The following CNTN4 variants were observed in gnomAD, a reference collection of about 807,000 sequenced individuals.
CNTN4 encodes the protein contactin 4, also known as contactin-4.
In CNTN4, 77 loss-of-function variants were observed where a neutral mutation model predicts 122.5. The observed-to-expected ratio is 0.63, with a 90% CI of 0.52 to 0.76. CNTN4 has a LOEUF of 0.76. Among genes scored for constraint, CNTN4 ranks in the 30% least tolerant of loss-of-function variants. CNTN4 has a pLI of 0.00. For missense variants in CNTN4, 1,256 were observed against 1,259.1 expected (o/e 1.00, Z 0.04); for synonymous variants, 512 against 447.0 (o/e 1.15, Z -1.83).
chr3:2,408,467 A>G (rs1206682513), intron 3 of CNTN4, among the ~76,000 whole-genome samples: 1 of 152,336 alleles, frequency 6.6e-6, no homozygotes, highest in East Asian at 1.9e-4. Context: ...TCATGCCAGC[A>G]GTTTGCTAAT....
intron 6 of CNTN4, among the ~76,000 whole-genome samples, chr3:2,802,872 A>G (rs1161462631): frequency 6.6e-6 from 1 of 152,250 alleles, no homozygotes; most frequent in Non-Finnish European, 1.5e-5. Flanking sequence ...TTTAGAAAAA[A>G]AAATGTAGGA....
intron 2 of CNTN4, among the ~76,000 whole-genome samples, chr3:2,336,287 G>C (rs2150333304): frequency 6.6e-6 from 1 of 152,168 alleles, no homozygotes; most frequent in Admixed American, 6.6e-5. Flanking sequence ...AGGAGGTCAG[G>C]AATCTTGGTC....
intron 3 of CNTN4, among the ~76,000 whole-genome samples, chr3:2,488,175 G>A (rs2076216184): frequency 6.6e-6 from 1 of 152,214 alleles, no homozygotes; most frequent in Non-Finnish European, 1.5e-5. Context: ...TATCTAAGAT[G>A]TTTAGATGCA....
intron 2 of CNTN4, among the ~76,000 whole-genome samples, chr3:2,209,998 C>CT (rs2038537879): frequency 6.6e-6 from 1 of 152,164 alleles, no homozygotes; most frequent in African/African-American, 2.4e-5. Flanking sequence ...AAAGCATAGC[C>CT]TAGCCTTTCC....
chr3:2,105,517 CA>C (rs2032367594), intron 2 of CNTN4, among the ~76,000 whole-genome samples: 1 of 152,142 alleles, frequency 6.6e-6, no homozygotes. Context: ...TACATGGCGG[CA>C]GGCAAGAGAC....
chr3:2,225,790 A>G (rs1479929156), intron 2 of CNTN4, among the ~76,000 whole-genome samples: 1 of 152,162 alleles, frequency 6.6e-6, no homozygotes, highest in Non-Finnish European at 1.5e-5. Context: ...GACCCCACTC[A>G]TCATGGACTG....
chr3:2,432,030 A>G (rs1271528355), intron 3 of CNTN4, among the ~76,000 whole-genome samples: 3 of 152,224 alleles, frequency 2.0e-5, no homozygotes, highest in East Asian at 1.9e-4. Context: ...AAACCATCCA[A>G]AAAGATGGGT....
At chr3:2,450,396 A>AAAT (rs369129160) in intron 3 of CNTN4, among the ~76,000 whole-genome samples, 3 of 148,396 alleles carry the variant, frequency 2.0e-5, no homozygotes, top group Non-Finnish European at 4.5e-5. Context: ...ATAAATAAAT[A>AAAT]AAATAAAAAA....
intron 3 of CNTN4, among the ~76,000 whole-genome samples, chr3:2,363,104 C>A (rs1207350695): frequency 6.6e-6 from 1 of 152,176 alleles, no homozygotes; most frequent in Non-Finnish European, 1.5e-5. Context: ...CAAAGCCTGG[C>A]TGATTCTCTT....
At chr3:2,838,554 G>C (rs1338978083) in intron 7 of CNTN4, among the ~76,000 whole-genome samples, 2 of 138,362 alleles carry the variant, frequency 1.4e-5, no homozygotes, top group Non-Finnish European at 1.5e-5. Flanking sequence ...CAGACCCTAT[G>C]GTTTGTAAAA....
intron 2 of CNTN4, among the ~76,000 whole-genome samples, chr3:2,215,849 C>T (rs1298771883): frequency 7.9e-6 from 1 of 126,958 alleles, no homozygotes; most frequent in Non-Finnish European, 1.6e-5. Flanking sequence ...TGCCACTGCA[C>T]TCCAGCCTGT....
chr3:2,804,912 C>G (rs997051134), intron 6 of CNTN4, among the ~76,000 whole-genome samples: 19 of 152,138 alleles, frequency 1.2e-4, no homozygotes, highest in Non-Finnish European at 2.5e-4. Flanking sequence ...TGGTGGCTCA[C>G]GCCTGTAATC....
At chr3:2,651,204 C>T (rs1370140620) in intron 4 of CNTN4, among the ~76,000 whole-genome samples, 1 of 152,152 alleles carries the variant, frequency 6.6e-6, no homozygotes, top group Non-Finnish European at 1.5e-5. Context: ...CATTCTTTCA[C>T]CACCTCCTTT....
intron 2 of CNTN4, among the ~76,000 whole-genome samples, chr3:2,317,620 GT>G (rs2043149110): frequency 6.6e-6 from 1 of 152,204 alleles, no homozygotes; most frequent in African/African-American, 2.4e-5. Flanking sequence ...CTAATGGACA[GT>G]CATAGTTCAT....
At chr3:2,360,944 G>A (rs1452411563) in intron 3 of CNTN4, among the ~76,000 whole-genome samples, 1 of 152,118 alleles carries the variant, frequency 6.6e-6, no homozygotes, top group Admixed American at 6.5e-5. Context: ...GTGGTGTGGG[G>A]TTCAGGATTT....
At chr3:2,172,630 C>G (rs1301277640) in intron 2 of CNTN4, among the ~76,000 whole-genome samples, 1 of 152,170 alleles carries the variant, frequency 6.6e-6, no homozygotes. Flanking sequence ...AGTAGACTGA[C>G]ATTCTTTTCG....
At chr3:2,766,769 A>T (rs2090880364) in intron 6 of CNTN4, among the ~76,000 whole-genome samples, 1 of 152,156 alleles carries the variant, frequency 6.6e-6, no homozygotes, top group South Asian at 2.1e-4. Flanking sequence ...AATTCAGGAG[A>T]TGCAATAGTA....
intron 2 of CNTN4, among the ~76,000 whole-genome samples, chr3:2,186,138 T>A (rs1239005454): frequency 6.7e-6 from 1 of 150,022 alleles, no homozygotes; most frequent in East Asian, 2.0e-4. Flanking sequence ...TGTCCAAGTG[T>A]TCTCATTGTT....
intron 2 of CNTN4, among the ~76,000 whole-genome samples, chr3:2,161,806 G>A (rs955350794): frequency 1.3e-5 from 2 of 152,170 alleles, no homozygotes; most frequent in African/African-American, 4.8e-5. Flanking sequence ...GTGTATGTTA[G>A]AGTTGAGGAA....
Sources: gnomAD v4.1 joint callset for allele counts (sites outside exome capture counted in the v4.1 genomes callset) on GRCh38, gnomAD v4.1.1 for gene constraint, MANE v1.5 for transcripts, NCBI Gene and HGNC (gene_info 2026-07-23, HGNC 2026-07-21) for gene names.